LARGE1: variants seen among roughly 807,000 people sequenced by gnomAD.
The protein encoded by LARGE1 is xylosyl- and glucuronyltransferase LARGE1.
In LARGE1, 43 loss-of-function variants were observed where a neutral mutation model predicts 87.6. That is an observed-to-expected ratio of 0.49 (90% CI 0.38 to 0.63). The LOEUF is 0.63. LARGE1 is among the 30% of genes least tolerant of loss of function. LARGE1 has a pLI of 0.00. For synonymous variants in LARGE1, 434 were observed against 394.6 expected (o/e 1.10, Z -1.18); for missense variants, 802 against 1,000.2 (o/e 0.80, Z 2.67).
intron 5 of LARGE1, among the ~76,000 whole-genome samples, chr22:33,585,096 G>A (rs1180359155): frequency 1.3e-5 from 2 of 152,186 alleles, no homozygotes; most frequent in Non-Finnish European, 2.9e-5. Context: ...CAGCCTGGGT[G>A]ACACAGCAAG....
rs994380313 is a variant in LARGE1, at chr22:33,604,355, T to C, written c.615+80A>G. ...CAGTTAGGAGCTGAGATTTCTGGCA[T>C]TGCTACAGTCTGCTCAACCACAAGT... On this transcript the variant is annotated intron_variant, in intron 5 of 14. Coordinates refer to ENST00000397394, the MANE Select transcript of LARGE1 (RefSeq NM_133642.5). 35 of 1,582,622 alleles carry C rather than the reference T, an allele frequency of 2.2e-5. No individual in the cohort carries two copies. In the Admixed American group the frequency reaches 3.7e-4, roughly 17 times the overall value.
chr22:33,660,972 A>G (rs1230886778), intron 2 of LARGE1, among the ~76,000 whole-genome samples: 1 of 152,164 alleles, frequency 6.6e-6, no homozygotes, highest in African/African-American at 2.4e-5. Flanking sequence ...CACACGTGCT[A>G]AGAATCATAT....
chr22:33,496,134 G>A (rs772238530), intron 6 of LARGE1, among the ~76,000 whole-genome samples: 10 of 152,152 alleles, frequency 6.6e-5, no homozygotes, highest in Non-Finnish European at 1.5e-4. Flanking sequence ...CAGCATAGGA[G>A]AAAGATGGAG....
chr22:33,308,902 G>A (rs1056208121), intron 11 of LARGE1, among the ~76,000 whole-genome samples: 1 of 152,150 alleles, frequency 6.6e-6, no homozygotes, highest in South Asian at 2.1e-4. Flanking sequence ...CAAAGTGTCT[G>A]GTGCAAAGCT....
chr22:33,493,568 G>C (rs2069960225), intron 6 of LARGE1, among the ~76,000 whole-genome samples: 1 of 152,052 alleles, frequency 6.6e-6, no homozygotes, highest in Non-Finnish European at 1.5e-5. Flanking sequence ...CCAAGTACTG[G>C]GCAATATGCT....
At chr22:33,346,113 C>T (rs1223587931) in intron 9 of LARGE1, among the ~76,000 whole-genome samples, 1 of 152,138 alleles carries the variant, frequency 6.6e-6, no homozygotes, top group Non-Finnish European at 1.5e-5. Flanking sequence ...GGCTAAAAGG[C>T]AATCCTAGTA....
intron 2 of LARGE1, among the ~76,000 whole-genome samples, chr22:33,692,414 G>A (rs240076): frequency 0.13 from 20,254 of 152,206 alleles, 1,551 homozygotes; most frequent in South Asian, 0.18. Context: ...AGGTTCAAGT[G>A]TTTCTCCTGC....
chr22:33,583,817 TGATA>T (rs957972329), intron 5 of LARGE1, among the ~76,000 whole-genome samples: 4 of 152,180 alleles, frequency 2.6e-5, no homozygotes, highest in African/African-American at 7.2e-5. Flanking sequence ...ACACACTTTG[TGATA>T]GATAGTTACT....
chr22:33,656,308 G>A (rs985049654), intron 2 of LARGE1, among the ~76,000 whole-genome samples: 15 of 152,206 alleles, frequency 9.9e-5, no homozygotes, highest in African/African-American at 3.6e-4. Context: ...AAAAGAGAAT[G>A]AGAGTGAAGC....
chr22:33,829,278 G>A (rs1292004819), intron 1 of LARGE1, among the ~76,000 whole-genome samples: 10 of 151,822 alleles, frequency 6.6e-5, no homozygotes, highest in African/African-American at 2.4e-4. Context: ...CAAAGGGCTG[G>A]GATTACAGGT....
In LARGE1 at chr22:33,632,001, A is replaced by G. The variant is rs115828731; in HGVS notation, c.409-5675T>C. Among the ~76,000 whole-genome samples the G allele has an allele frequency of 2.0e-3, 302 of 152,360 alleles. 1 individual carries two copies. Among genetic ancestry groups the G allele is most frequent in the African/African-American group, 6.8e-3 (282 of 41,588 alleles). On this transcript the variant is annotated intron_variant, in intron 3 of 14. Transcript: ENST00000397394. ...GTCATTATGTAACACATGACTGTAT[A>G]GACATAACACTCATGTTTCTCTGTC...
At chr22:33,562,631 G>A (rs2077894541) in intron 6 of LARGE1, among the ~76,000 whole-genome samples, 1 of 152,234 alleles carries the variant, frequency 6.6e-6, no homozygotes, top group African/African-American at 2.4e-5. Context: ...CCTTGGGCCA[G>A]CTATGGGAGC....
At chr22:33,380,784 T>G (rs1259484865) in intron 9 of LARGE1, among the ~76,000 whole-genome samples, 1 of 152,252 alleles carries the variant, frequency 6.6e-6, no homozygotes, top group Non-Finnish European at 1.5e-5. Context: ...ATATAAACTT[T>G]ATATGGAACA....
At chr22:33,369,527 A>T (rs2064729106) in intron 9 of LARGE1, among the ~76,000 whole-genome samples, 1 of 151,992 alleles carries the variant, frequency 6.6e-6, no homozygotes, top group Non-Finnish European at 1.5e-5. Context: ...CTCTATCTCT[A>T]CTTTTTTTAC....
intron 1 of LARGE1, among the ~76,000 whole-genome samples, chr22:33,913,691 G>A (rs1003610478): frequency 6.6e-5 from 10 of 152,038 alleles, no homozygotes; most frequent in South Asian, 2.1e-4. Context: ...CTACAGGCAC[G>A]CGCCACCATG....
chr22:33,233,394 T>C (rs1926104867), intron 11 of LARGE1, among the ~76,000 whole-genome samples: 1 of 152,162 alleles, frequency 6.6e-6, no homozygotes, highest in African/African-American at 2.4e-5. Context: ...AACCTTTATA[T>C]GTGACATGTG....
chr22:33,558,339 G>C (rs983396425), intron 6 of LARGE1, among the ~76,000 whole-genome samples: 3 of 152,124 alleles, frequency 2.0e-5, no homozygotes, highest in Non-Finnish European at 4.4e-5. Context: ...CAGGAAAGGA[G>C]ATTTAAAGTC....
chr22:33,074,677 AAACAAACAAACT>A, the LARGE1 span, among the ~76,000 whole-genome samples: 1 of 152,186 alleles, frequency 6.6e-6, no homozygotes, highest in African/African-American at 2.4e-5. Context: ...TCCATCTTAG[AAACAAACAAACT>A]AACAAACAAA....
intron 1 of LARGE1, among the ~76,000 whole-genome samples, chr22:33,906,452 G>C (rs1028291439): frequency 6.6e-6 from 1 of 152,136 alleles, no homozygotes; most frequent in African/African-American, 2.4e-5. Context: ...CCAGTCTCTG[G>C]GCTTTATTGC....
Sources: gnomAD v4.1 joint callset for allele counts (sites outside exome capture counted in the v4.1 genomes callset) on GRCh38, gnomAD v4.1.1 for gene constraint, MANE v1.5 for transcripts, NCBI Gene and HGNC (gene_info 2026-07-23, HGNC 2026-07-21) for gene names.